Variants in CYP2E1 observed in about 807,000 individuals in gnomAD.
The protein encoded by CYP2E1 is cytochrome P450 family 2 subfamily E member 1, also known as cytochrome P450 2E1.
Under a neutral mutation model 42.9 loss-of-function variants are expected in CYP2E1, and 31 were observed. The observed-to-expected ratio is 0.72, with a 90% confidence interval of 0.54 to 0.98. The LOEUF (loss-of-function observed/expected upper bound fraction) is 0.98, where lower values mean the gene tolerates loss of function less well. CYP2E1 is among the 50% of genes least tolerant of loss of function. The pLI, the probability that CYP2E1 is intolerant of heterozygous loss-of-function variation, is 0.00. For missense variants in CYP2E1, 565 were observed against 633.2 expected (o/e 0.89, Z 1.16); for synonymous variants, 244 against 248.9 (o/e 0.98, Z 0.19).
At chr10:133,534,871 T>TA (rs939466635) in intron 6 of CYP2E1, among the ~76,000 whole-genome samples, 33 of 151,202 alleles carry the variant, frequency 2.2e-4, no homozygotes, top group African/African-American at 7.3e-4. Context: ...TTTATTTATT[T>TA]TTTTTTTTGA....
rs772376728 is a variant in CYP2E1, at chr10:133,533,911, T to G, written c.967+14T>G. 1.2e-6 allele frequency: 2 copies of G among 1,613,832 alleles called. No individual in the cohort carries two copies. Among genetic ancestry groups the G allele is most frequent in the South Asian group, 2.2e-5 (2 of 91,070 alleles). On this transcript the variant is annotated intron_variant, in intron 6 of 8. Coordinates refer to ENST00000252945, the MANE Select transcript of CYP2E1 (RefSeq NM_000773.4). ...CTGAGATCGAAGGTAGGCAAGTGAC[T>G]GAAGGGACACCGTGCGTGCGGCTGC...
chr10:133,537,517 A>T, intron 7 of CYP2E1: 1 of 597,194 alleles, frequency 1.7e-6, no homozygotes, highest in Non-Finnish European at 2.9e-6. Context: ...CCAGGAACAA[A>T]CTATCACAAC....
At position 133,537,859 on chromosome 10, in the gene CYP2E1, A is replaced by G. The variant is rs1851424712; in HGVS notation, c.1264A>G (p.Lys422Glu). 6.2e-7 allele frequency: 1 copy of G among 1,613,934 alleles called. No homozygotes were observed. The highest frequency in any genetic ancestry group is 1.3e-5 in the African/African-American group (1 of 75,022). Residue 422 changes from lysine to glutamate, a missense_variant, in exon 8 of 9, where the codon AAG (lysine) becomes GAG (glutamate). Transcript: ENST00000252945. ...EHFLNENGKFKYSDYFKPFST... is the reference protein window; with the variant it reads ...EHFLNENGKFEYSDYFKPFST... ...CTTCCTGAATGAAAATGGAAAGTTCAAGTACAGTGACTATTTCAAGCCATT... is the reference window on the plus strand; with the variant it reads ...CTTCCTGAATGAAAATGGAAAGTTCGAGTACAGTGACTATTTCAAGCCATT...
intron 2 of CYP2E1, among the ~76,000 whole-genome samples, chr10:133,530,186 C>A (rs1002748437): frequency 2.0e-5 from 3 of 152,150 alleles, no homozygotes; most frequent in Admixed American, 2.0e-4. Context: ...CTGCACCTGG[C>A]CCTTAAGGGA....
chr10:133,532,102 G>T (rs763652251), intron 3 of CYP2E1, 22 bp from the exon 4 acceptor site: 1 of 1,607,740 alleles, frequency 6.2e-7, no homozygotes, highest in Non-Finnish European at 8.5e-7. Context: ...TCTTCTGGTT[G>T]CCCTGACTGC....
At chr10:133,528,333 C>A (rs927513931) in intron 1 of CYP2E1, 148 bp from the exon 2 acceptor site, 32 of 902,676 alleles carry the variant, frequency 3.5e-5, no homozygotes, top group Middle Eastern at 3.5e-4. Context: ...GGGTCTCCCC[C>A]ACCTCGGGCT....
chr10:133,528,715 G>A (rs2133593390), intron 2 of CYP2E1, 75 bp downstream of exon 2: 1 of 1,545,154 alleles, frequency 6.5e-7, no homozygotes, highest in South Asian at 1.1e-5. Flanking sequence ...TAGCCACGTC[G>A]GCGATGGCCA....
chr10:133,529,857 T>C (rs1851315968), intron 2 of CYP2E1, among the ~76,000 whole-genome samples: 2 of 152,172 alleles, frequency 1.3e-5, no homozygotes, highest in South Asian at 4.2e-4. Context: ...TCTTCTGCAT[T>C]GTGGGTTTTA....
At position 133,527,385 on chromosome 10, in the gene CYP2E1, C is replaced by T; in HGVS notation, c.-11C>T. 5.0e-6 allele frequency: 8 copies of T among 1,594,638 alleles called. No individual in the cohort carries two copies. Among genetic ancestry groups the T allele is most frequent in the Non-Finnish European group, 6.9e-6 (8 of 1,167,818 alleles). On this transcript the variant is annotated 5_prime_UTR_variant, in exon 1 of 9. Coordinates refer to ENST00000252945, the MANE Select transcript of CYP2E1 (RefSeq NM_000773.4). Reference sequence around the variant, plus strand: ...TGTCTCCCGGGCTGGCAGCAGGGCCCCAGCGGCACCATGTCTGCCCTCGGA... The same window carrying T: ...TGTCTCCCGGGCTGGCAGCAGGGCCTCAGCGGCACCATGTCTGCCCTCGGA...
rs967340990 is a variant in CYP2E1, at chr10:133,528,546, C to G, written c.243C>G (p.His81Gln). 6.2e-7 allele frequency: 1 copy of G among 1,613,406 alleles called. No homozygotes were observed. The highest frequency in any genetic ancestry group is 8.5e-7 in the Non-Finnish European group (1 of 1,179,970). The change falls in exon 2 of 9, where the codon CAC (histidine) becomes CAG (glutamine). Residue 81 changes from histidine (H) to glutamine (Q), a missense_variant. Coordinates refer to ENST00000252945, the MANE Select transcript of CYP2E1 (RefSeq NM_000773.4). ...YVGSQRMVVM[H>Q]GYKAVKEALL... ...GCTCGCAGCGCATGGTGGTGATGCA[C>G]GGCTACAAGGCGGTGAAGGAAGCGC...
At chr10:133,537,675 TCTTCACTGGGGGTTTCC>T in intron 7 of CYP2E1, 59 bp from the exon 8 acceptor site, 1 of 1,275,576 alleles carries the variant, frequency 7.8e-7, no homozygotes. Flanking sequence ...AAAACTACAT[TCTTCACTGGGGGTTTCC>T]AGATGAAAGC....
At chr10:133,536,428 G>A (rs979731802) in intron 6 of CYP2E1, among the ~76,000 whole-genome samples, 2 of 151,256 alleles carry the variant, frequency 1.3e-5, no homozygotes, top group Middle Eastern at 3.4e-3. Flanking sequence ...TGGATGGATG[G>A]ATGGATGGAT....
At chr10:133,534,392 C>T (rs1299210873) in intron 6 of CYP2E1, among the ~76,000 whole-genome samples, 1 of 152,072 alleles carries the variant, frequency 6.6e-6, no homozygotes, top group Non-Finnish European at 1.5e-5. Flanking sequence ...CAGGGCTCCT[C>T]CCAGCGGCAC....
At chr10:133,536,928 A>T in intron 6 of CYP2E1, 135 bp from the exon 7 acceptor site, 1 of 684,964 alleles carries the variant, frequency 1.5e-6, no homozygotes, top group Admixed American at 2.5e-5. Flanking sequence ...GGAGGGGTGT[A>T]TAGATGGAGG....
chr10:133,528,907 G>GCCGCCC (rs1851305526), intron 2 of CYP2E1, among the ~76,000 whole-genome samples: 1 of 152,160 alleles, frequency 6.6e-6, no homozygotes, highest in Non-Finnish European at 1.5e-5. Flanking sequence ...AGCAGGAGTC[G>GCCGCCC]CCGCCCCCAC....
intron 4 of CYP2E1, 86 bp downstream of exon 4, chr10:133,532,370 C>G: frequency 7.6e-7 from 1 of 1,309,058 alleles, no homozygotes; most frequent in Non-Finnish European, 1.1e-6. Flanking sequence ...ATGTGATAGA[C>G]AGGACTGCAA....
intron 3 of CYP2E1, 30 bp from the exon 4 acceptor site, chr10:133,532,094 T>C (rs769469905): frequency 6.2e-7 from 1 of 1,604,954 alleles, no homozygotes; most frequent in South Asian, 1.1e-5. Flanking sequence ...CACCCCCATC[T>C]TCTGGTTGCC....
At position 133,527,563 on chromosome 10, in the gene CYP2E1, C is replaced by T; in HGVS notation, c.168C>T (p.Ser56=). The T allele has an allele frequency of 6.2e-7, 1 of 1,610,170 alleles. No individual in the cohort carries two copies. Among genetic ancestry groups the T allele is most frequent in the Non-Finnish European group, 8.5e-7 (1 of 1,177,458 alleles). The change falls in exon 1 of 9, where the codon TCC becomes TCT. Residue 56 remains serine, a synonymous_variant. Transcript: ENST00000252945. ...FQLELKNIPK[S]FTRLAQRFGP... is the part of the protein sequence containing the mutation. Reference sequence around the variant, plus strand: ...TGGAATTGAAGAATATTCCCAAGTCCTTCACCCGGGTAAGAGAAATAGTGT... The same window carrying T: ...TGGAATTGAAGAATATTCCCAAGTCTTTCACCCGGGTAAGAGAAATAGTGT...
At chr10:133,535,799 C>A (rs78577094) in intron 6 of CYP2E1, among the ~76,000 whole-genome samples, 3 of 152,216 alleles carry the variant, frequency 2.0e-5, no homozygotes, top group Non-Finnish European at 2.9e-5. Flanking sequence ...ACCTCTCTCA[C>A]CAGAAATGGC....
Sources: gnomAD v4.1 joint callset for allele counts (sites outside exome capture counted in the v4.1 genomes callset) on GRCh38, gnomAD v4.1.1 for gene constraint, MANE v1.5 for transcripts, NCBI Gene and HGNC (gene_info 2026-07-23, HGNC 2026-07-21) for gene names.